The following RBFOX1 variants were observed in gnomAD, a reference collection of about 807,000 sequenced individuals.
The protein encoded by RBFOX1 is RNA binding fox-1 homolog 1.
A neutral mutation model predicts 57.7 loss-of-function variants in RBFOX1; 8 were observed. The observed-to-expected ratio is 0.14, with a 90% CI of 0.08 to 0.25. The LOEUF (loss-of-function observed/expected upper bound fraction) is 0.25, where lower values mean the gene tolerates loss of function less well. Among genes scored for constraint, RBFOX1 ranks in the 10% least tolerant of loss-of-function variants. The pLI is 1.00. For synonymous variants in RBFOX1, 326 were observed against 222.4 expected, an observed-to-expected ratio of 1.47 and a Z score of -4.15; for missense variants, 611 against 548.5, an observed-to-expected ratio of 1.11 and a Z score of -1.14.
intron 3 of RBFOX1, among the ~76,000 whole-genome samples, chr16:7,045,120 C>A (rs1024567310): frequency 6.6e-6 from 1 of 152,118 alleles, no homozygotes; most frequent in Non-Finnish European, 1.5e-5. Context: ...GAGGGGAGGT[C>A]ACTGGCCACC....
chr16:6,012,602 AT>A (rs1428993355), intron 4 of RBFOX1, among the ~76,000 whole-genome samples: 2 of 152,358 alleles, frequency 1.3e-5, no homozygotes, highest in East Asian at 3.9e-4. Context: ...GCTATAGGCA[AT>A]ATGTCATCTT....
intron 4 of RBFOX1, among the ~76,000 whole-genome samples, chr16:5,989,550 C>A (rs917989934): frequency 1.3e-5 from 2 of 152,060 alleles, no homozygotes; most frequent in African/African-American, 4.8e-5. Flanking sequence ...AGACTCTGGG[C>A]TGTGGATTCA....
intron 3 of RBFOX1, among the ~76,000 whole-genome samples, chr16:6,816,737 CAAAA>C (rs1181907817): frequency 1.0e-5 from 1 of 95,660 alleles, no homozygotes; most frequent in Non-Finnish European, 2.2e-5. Flanking sequence ...AAGACTGTCT[CAAAA>C]AAAAAAAAAA....
intron 3 of RBFOX1, among the ~76,000 whole-genome samples, chr16:7,040,267 C>T (rs1463741461): frequency 1.3e-5 from 2 of 152,190 alleles, no homozygotes; most frequent in Admixed American, 6.5e-5. Context: ...GGTCCTCCTG[C>T]CTCAGCCTCC....
At chr16:6,500,896 T>G (rs59102648) in intron 2 of RBFOX1, among the ~76,000 whole-genome samples, 1,706 of 142,366 alleles carry the variant, frequency 0.012, 24 homozygotes, top group African/African-American at 0.023. Flanking sequence ...TTTTTTTTTT[T>G]TTTTTAATGC....
rs58565227 is a variant in RBFOX1, at chr16:7,631,763, G to A, written c.757+1080G>A. Reference sequence around the variant, plus strand: ...CATCGTGCCAAAACCAAACATCTTCGTTTCCTAAATTGTGAAGCTGAGGAA... The same window carrying A: ...CATCGTGCCAAAACCAAACATCTTCATTTCCTAAATTGTGAAGCTGAGGAA... On this transcript the variant is annotated intron_variant, in intron 11 of 15. Coordinates refer to ENST00000550418, the MANE Select transcript of RBFOX1 (RefSeq NM_018723.4). Among the ~76,000 whole-genome samples, 636 of 152,218 alleles carry A rather than the reference G, an allele frequency of 4.2e-3. 5 individuals carry two copies. The highest frequency in any genetic ancestry group is 0.014 in the African/African-American group (596 of 41,520).
chr16:6,564,494 A>C (rs551496869), intron 2 of RBFOX1, among the ~76,000 whole-genome samples: 1 of 152,226 alleles, frequency 6.6e-6, no homozygotes, highest in African/African-American at 2.4e-5. Context: ...ATAAACAAAC[A>C]AACACATGGG....
intron 2 of RBFOX1, among the ~76,000 whole-genome samples, chr16:5,493,952 A>C (rs1248582580): frequency 6.6e-6 from 1 of 152,192 alleles, no homozygotes; most frequent in Non-Finnish European, 1.5e-5. Flanking sequence ...ACAAAAGAAA[A>C]AGGATAGAAA....
chr16:6,970,248 T>C (rs1285654290), intron 3 of RBFOX1, among the ~76,000 whole-genome samples: 1 of 151,992 alleles, frequency 6.6e-6, no homozygotes, highest in Middle Eastern at 3.2e-3. Flanking sequence ...AAAAAAAGTC[T>C]TAACAGAATA....
rs927331042 is a variant in RBFOX1, at chr16:5,414,163, A to G, written c.220-53053A>G. ...CGTGGTTCTAACAATCATTGCGCCA[A>G]GGGAAAAACAAGGGTGATCACTTGA... On this transcript the variant is annotated intron_variant, in intron 1 of 2. Coordinates refer to the RBFOX1 transcript ENST00000585867. 3.3e-5 allele frequency among the ~76,000 whole-genome samples: 5 copies of G among 152,312 alleles called. No homozygotes were observed. The South Asian group carries it at 1.0e-3, about 32-fold the overall frequency.
At chr16:6,407,659 G>T (rs1180655134) in intron 2 of RBFOX1, among the ~76,000 whole-genome samples, 1 of 151,740 alleles carries the variant, frequency 6.6e-6, no homozygotes, top group Non-Finnish European at 1.5e-5. Flanking sequence ...TTGACTTATA[G>T]TTCCCAGGAG....
chr16:5,406,664 A>ATG (rs2066876585), intron 1 of RBFOX1, among the ~76,000 whole-genome samples: 1 of 151,936 alleles, frequency 6.6e-6, no homozygotes, highest in Non-Finnish European at 1.5e-5. Context: ...ATGTATGTAT[A>ATG]TGTGTGTGTG....
chr16:6,505,549 A>C (rs1354256875), intron 2 of RBFOX1, among the ~76,000 whole-genome samples: 1 of 152,222 alleles, frequency 6.6e-6, no homozygotes, highest in African/African-American at 2.4e-5. Flanking sequence ...ACCGTCTAGT[A>C]CAGCTAGACA....
intron 4 of RBFOX1, among the ~76,000 whole-genome samples, chr16:7,426,934 A>G (rs1388776396): frequency 6.6e-6 from 1 of 152,228 alleles, no homozygotes; most frequent in African/African-American, 2.4e-5. Flanking sequence ...CTATGCAGCC[A>G]TAAAAAAGGA....
intron 4 of RBFOX1, among the ~76,000 whole-genome samples, chr16:7,113,600 A>G (rs1057050442): frequency 7.2e-5 from 11 of 152,190 alleles, no homozygotes; most frequent in Admixed American, 6.5e-4. Flanking sequence ...TATGCAAATT[A>G]TTATGTTAGC....
intron 3 of RBFOX1, among the ~76,000 whole-genome samples, chr16:5,737,560 A>T (rs1357007494): frequency 6.6e-6 from 1 of 150,520 alleles, no homozygotes; most frequent in Admixed American, 6.6e-5. Context: ...CATGTACTAC[A>T]ATTTTCTGCC....
intron 2 of RBFOX1, among the ~76,000 whole-genome samples, chr16:6,622,931 T>C (rs1567926699): frequency 6.6e-6 from 1 of 152,242 alleles, no homozygotes; most frequent in African/African-American, 2.4e-5. Flanking sequence ...TTAATGCACT[T>C]AATTCTCTCA....
intron 1 of RBFOX1, among the ~76,000 whole-genome samples, chr16:6,063,503 A>ACC (rs1184966280): frequency 3.2e-4 from 12 of 37,248 alleles, no homozygotes; most frequent in African/African-American, 9.2e-4. Flanking sequence ...ACACACACAC[A>ACC]CACCCCCTTA....
intron 1 of RBFOX1, among the ~76,000 whole-genome samples, chr16:6,142,516 T>C (rs149936573): frequency 5.9e-5 from 9 of 152,050 alleles, no homozygotes; most frequent in South Asian, 2.1e-4. Flanking sequence ...CCACCATGCC[T>C]GGCCAAAAAA....
Sources: allele counts gnomAD v4.1 joint callset (sites outside exome capture counted in the v4.1 genomes callset), GRCh38; gene constraint gnomAD v4.1.1; transcripts MANE v1.5; gene names NCBI Gene and HGNC (gene_info 2026-07-23, HGNC 2026-07-21).